NRXN3: variants seen among roughly 807,000 people sequenced by gnomAD.
The protein encoded by NRXN3 is neurexin III.
Under a neutral mutation model 137.6 loss-of-function variants are expected in NRXN3, and 32 were observed. The observed-to-expected ratio is 0.23, with a 90% confidence interval of 0.18 to 0.31. The LOEUF (loss-of-function observed/expected upper bound fraction) is 0.31, where lower values mean the gene tolerates loss of function less well. NRXN3 is among the 10% of genes least tolerant of loss of function. NRXN3 has a pLI of 1.00. For synonymous variants in NRXN3, 798 were observed against 784.5 expected, an observed-to-expected ratio of 1.02 and a Z score of -0.29; for missense variants, 1,574 against 2,062.5, an observed-to-expected ratio of 0.76 and a Z score of 4.59.
intron 2 of NRXN3, among the ~76,000 whole-genome samples, chr14:78,244,892 G>T (rs576297420): frequency 6.6e-6 from 1 of 152,208 alleles, no homozygotes; most frequent in Non-Finnish European, 1.5e-5. Flanking sequence ...AAGCAGGGAG[G>T]CACAGAGGCT....
chr14:79,474,925 A>G (rs945358883), intron 16 of NRXN3, among the ~76,000 whole-genome samples: 6 of 152,126 alleles, frequency 3.9e-5, no homozygotes, highest in African/African-American at 1.4e-4. Context: ...TAGAAGTAGT[A>G]GCAGTAGGAA....
chr14:78,950,805 TA>T, intron 10 of NRXN3, among the ~76,000 whole-genome samples: 1 of 152,326 alleles, frequency 6.6e-6, no homozygotes, highest in South Asian at 2.1e-4. Flanking sequence ...CTTTGATTCA[TA>T]CGTCTCAGCA....
intron 16 of NRXN3, among the ~76,000 whole-genome samples, chr14:79,522,924 A>G (rs1057424168): frequency 3.9e-5 from 6 of 152,194 alleles, no homozygotes; most frequent in African/African-American, 1.4e-4. Flanking sequence ...GCAAATTTAC[A>G]TTCTATCACA....
Position 78,715,129 on chromosome 14 carries a change from C to T in NRXN3, c.2034C>T (p.Thr678=), listed in dbSNP as rs1430990427. The T allele has an allele frequency of 6.2e-7, 1 of 1,607,592 alleles. No individual in the cohort carries two copies. Among genetic ancestry groups the T allele is most frequent in the Non-Finnish European group, 8.5e-7 (1 of 1,177,506 alleles). ...DCTGTGYWGR[T]CEREASILSY... is the part of the protein sequence containing the mutation. ...CCGGCACCGGATACTGGGGAAGAAC[C>T]TGCGAAAGGGGTGAGTCGGCCTAGA... is the stretch of plus-strand genomic sequence containing the variant. Residue 678 remains threonine, a synonymous_variant, in exon 8 of 21, where the codon ACC becomes ACT. Coordinates refer to ENST00000335750, the MANE Select transcript of NRXN3 (RefSeq NM_001330195.2).
At chr14:79,152,994 A>C (rs1317942359) in intron 15 of NRXN3, among the ~76,000 whole-genome samples, 1 of 151,962 alleles carries the variant, frequency 6.6e-6, no homozygotes, top group Non-Finnish European at 1.5e-5. Context: ...TGTTTCAGTA[A>C]CCTAAAAATC....
intron 8 of NRXN3, among the ~76,000 whole-genome samples, chr14:78,769,330 C>T (rs188705371): frequency 2.0e-5 from 3 of 152,328 alleles, no homozygotes; most frequent in African/African-American, 7.2e-5. Context: ...TAAGGCCAAC[C>T]CTCATCCAGT....
intron 10 of NRXN3, among the ~76,000 whole-genome samples, chr14:78,925,580 C>A (rs1470444555): frequency 1.3e-5 from 2 of 152,160 alleles, no homozygotes; most frequent in Non-Finnish European, 2.9e-5. Flanking sequence ...ACACAGGTGA[C>A]CCCTCTGAAA....
chr14:78,632,482 T>A (rs551131122), intron 4 of NRXN3, among the ~76,000 whole-genome samples: 105 of 152,306 alleles, frequency 6.9e-4, no homozygotes, highest in African/African-American at 2.5e-3. Context: ...TTGCAAAAGA[T>A]ACACAAACCT....
chr14:79,586,554 C>T lies in NRXN3; in HGVS notation c.3445-77224C>T, dbSNP rs150672989. On this transcript the variant is annotated intron_variant, in intron 16 of 20. Transcript: ENST00000335750. ...TCCAGTGGAGTCTGATTTGGCCTGGCGGGTGTAGTGAAACATTAACTACAC... is the reference window on the plus strand; with the variant it reads ...TCCAGTGGAGTCTGATTTGGCCTGGTGGGTGTAGTGAAACATTAACTACAC... 2.8e-4 allele frequency among the ~76,000 whole-genome samples: 43 copies of T among 152,048 alleles called. No individual in the cohort carries two copies. The East Asian group carries it at 5.0e-3, about 18-fold the overall frequency.
At chr14:78,792,143 G>A (rs563543218) in intron 8 of NRXN3, among the ~76,000 whole-genome samples, 1 of 149,780 alleles carries the variant, frequency 6.7e-6, no homozygotes, top group African/African-American at 2.4e-5. Context: ...TACATTCTAT[G>A]GCTCAATTTG....
At position 78,235,040 on chromosome 14, in the gene NRXN3, G is replaced by GTATATATATATA. The variant is rs1338237743; in HGVS notation, c.-703-7350_-703-7349insATATATATATAT. On this transcript the variant is annotated intron_variant, in intron 1 of 20. Coordinates refer to ENST00000335750, the MANE Select transcript of NRXN3 (RefSeq NM_001330195.2). The stretch of plus-strand genomic sequence containing the variant: ...TATATATATGTGTATATATATATGT[G>GTATATATATATA]TGTGTGTGTGTGTGTGTCTTTTTGT... Among the ~76,000 whole-genome samples the GTATATATATATA allele has an allele frequency of 3.8e-3, 394 of 103,450 alleles. 8 individuals are homozygous for GTATATATATATA. The highest frequency in any genetic ancestry group is 0.012 in the Middle Eastern group (2 of 170). 67.9% of individuals were successfully genotyped at this position (103,450 alleles called of 152,430 possible).
chr14:78,616,530 A>T (rs1197472425), intron 4 of NRXN3, among the ~76,000 whole-genome samples: 1 of 152,180 alleles, frequency 6.6e-6, no homozygotes, highest in Non-Finnish European at 1.5e-5. Context: ...AGTTACGTCC[A>T]TCTGTAGGCT....
At chr14:79,667,480 G>A (rs1193871515) in intron 17 of NRXN3, among the ~76,000 whole-genome samples, 1 of 151,990 alleles carries the variant, frequency 6.6e-6, no homozygotes, top group African/African-American at 2.4e-5. Context: ...CATTTATGGG[G>A]CTCTACTGAA....
intron 6 of NRXN3, among the ~76,000 whole-genome samples, chr14:78,679,597 C>A (rs1300107517): frequency 2.0e-5 from 3 of 152,106 alleles, no homozygotes; most frequent in African/African-American, 7.2e-5. Flanking sequence ...ATTGAAATTT[C>A]TCTTCCAAGA....
chr14:79,234,491 T>C (rs2073025742), intron 15 of NRXN3, among the ~76,000 whole-genome samples: 1 of 150,152 alleles, frequency 6.7e-6, no homozygotes, highest in African/African-American at 2.5e-5. Flanking sequence ...TTCAAGCCAT[T>C]CTCCCGCCTC....
chr14:79,207,322 C>T (rs768102736), intron 15 of NRXN3, among the ~76,000 whole-genome samples: 1 of 152,136 alleles, frequency 6.6e-6, no homozygotes, highest in African/African-American at 2.4e-5. Flanking sequence ...CCGCCCCAAG[C>T]GAACATGACA....
chr14:79,563,532 T>A (rs1230451799), intron 16 of NRXN3, among the ~76,000 whole-genome samples: 1 of 152,068 alleles, frequency 6.6e-6, no homozygotes, highest in East Asian at 1.9e-4. Flanking sequence ...GACCATAAAA[T>A]TGACAGGGAT....
intron 17 of NRXN3, among the ~76,000 whole-genome samples, chr14:79,670,674 A>C (rs183208555): frequency 6.6e-6 from 1 of 152,164 alleles, no homozygotes; most frequent in East Asian, 1.9e-4. Flanking sequence ...AACAAACTTG[A>C]CCCTAAGAAG....
At chr14:78,937,351 G>A (rs560447193) in intron 10 of NRXN3, among the ~76,000 whole-genome samples, 1 of 152,264 alleles carries the variant, frequency 6.6e-6, no homozygotes, top group South Asian at 2.1e-4. Flanking sequence ...CACCTTTGCT[G>A]TAGTTGATGC....
Sources: allele counts gnomAD v4.1 joint callset (sites outside exome capture counted in the v4.1 genomes callset), GRCh38; gene constraint gnomAD v4.1.1; transcripts MANE v1.5; gene names NCBI Gene and HGNC (gene_info 2026-07-23, HGNC 2026-07-21).